ANPEP: variants seen among roughly 807,000 people sequenced by gnomAD.
ANPEP encodes the protein aminopeptidase N.
Under a neutral mutation model 114.6 loss-of-function variants are expected in ANPEP, and 70 were observed. The observed-to-expected ratio is 0.61, with a 90% CI of 0.50 to 0.75. The LOEUF (loss-of-function observed/expected upper bound fraction) is 0.75, where lower values mean the gene tolerates loss of function less well. Ranked by LOEUF, ANPEP falls within the 30% of genes least tolerant of loss-of-function variation. The pLI is 0.00. For synonymous variants in ANPEP, 548 were observed against 522.3 expected (o/e 1.05, Z -0.67); for missense variants, 1,184 against 1,259.5 (o/e 0.94, Z 0.91).
chr15:89,790,377 G>C (rs1968596877), intron 20 of ANPEP, 83 bp downstream of exon 20: 3 of 1,328,994 alleles, frequency 2.3e-6, no homozygotes, highest in Non-Finnish European at 3.2e-6. Context: ...TGCTCCCTCA[G>C]GGCCACGTGG....
intron 1 of ANPEP, among the ~76,000 whole-genome samples, chr15:89,814,454 C>T (rs539639033): frequency 6.6e-6 from 1 of 152,136 alleles, no homozygotes; most frequent in Non-Finnish European, 1.5e-5. Flanking sequence ...CTCCGCCGCC[C>T]TCCCCGTCCG....
At chr15:89,796,008 T>C (rs1338476767) in intron 15 of ANPEP, among the ~76,000 whole-genome samples, 1 of 152,142 alleles carries the variant, frequency 6.6e-6, no homozygotes, top group Non-Finnish European at 1.5e-5. Context: ...TGAAGCCAGG[T>C]GTTCCAGACC....
intron 1 of ANPEP, among the ~76,000 whole-genome samples, chr15:89,809,140 G>A (rs1176646700): frequency 6.6e-6 from 1 of 152,230 alleles, no homozygotes; most frequent in Non-Finnish European, 1.5e-5. Context: ...AGGAGCAGTG[G>A]CTCCCAGCAC....
At chr15:89,800,832 C>T (rs1047086766) in intron 12 of ANPEP, among the ~76,000 whole-genome samples, 1 of 152,148 alleles carries the variant, frequency 6.6e-6, no homozygotes, top group Non-Finnish European at 1.5e-5. Flanking sequence ...GGATTACAGG[C>T]ATGAGCCACC....
intron 2 of ANPEP, 23 bp from the exon 3 acceptor site, chr15:89,805,486 G>A (rs1243937733): frequency 1.2e-6 from 2 of 1,613,102 alleles, no homozygotes; most frequent in South Asian, 1.1e-5. Context: ...GAAGGTTAGA[G>A]GGTGTGCCAG....
chr15:89,791,599 A>ATTTTTTTTTTTTTTTTTTTTTTT (rs10596905), intron 18 of ANPEP, among the ~76,000 whole-genome samples: 1 of 135,280 alleles, frequency 7.4e-6, no homozygotes, highest in Non-Finnish European at 1.6e-5. Context: ...CACCATGCCT[A>ATTTTTTTTTTTTTTTTTTTTTTT]TTTTTTTTTT....
chr15:89,803,506 C>A lies in ANPEP; in HGVS notation c.1439G>T (p.Gly480Val). 6.2e-7 allele frequency: 1 copy of A among 1,607,418 alleles called. No homozygotes were observed. The highest frequency in any genetic ancestry group is 8.5e-7 in the Non-Finnish European group (1 of 1,178,514). The change falls in exon 9 of 21, where the codon GGC becomes GTC. Residue 480 changes from glycine (G) to valine (V), a missense_variant and splice_region_variant. By Grantham distance (109) the Gly-to-Val change is moderately radical (BLOSUM62 -3). Coordinates refer to ENST00000300060, the MANE Select transcript of ANPEP (RefSeq NM_001150.3). This position sits in a 1 kb window ranked among gnomAD's most constrained non-coding sequence, Gnocchi z 4.2. ...ELFDAISYSK[G>V]ASVLRMLSSF... is the part of the protein sequence containing the mutation. Reference sequence around the variant, plus strand: ...GGAGAGCATCCTGAGGACTGAGGCGCCCTGGGGTGGGGGTGAGGGGGCGCT... The same window carrying A: ...GGAGAGCATCCTGAGGACTGAGGCGACCTGGGGTGGGGGTGAGGGGGCGCT...
chr15:89,801,456 A>C lies in ANPEP; in HGVS notation c.1721T>G (p.Val574Gly). ...TCACTTGAATTCTGAGGGGCGGGTA[A>C]CATTGGAATCGGGGTCAAGGAGGAA... is the stretch of plus-strand genomic sequence containing the variant. Reference protein sequence around the residue: ...EHFLLDPDSNVTRPSEFNYVW... With the variant: ...EHFLLDPDSNGTRPSEFNYVW... The change falls in exon 11 of 21, where the codon GTT (valine) becomes GGT (glycine). Residue 574 changes from valine to glycine, a missense_variant. Transcript: ENST00000300060. 1 of 1,614,164 alleles carries C rather than the reference A, an allele frequency of 6.2e-7. No individual in the cohort carries two copies. Among genetic ancestry groups the C allele is most frequent in the East Asian group, 2.2e-5 (1 of 44,884 alleles).
intron 16 of ANPEP, among the ~76,000 whole-genome samples, chr15:89,792,766 G>A (rs1968657510): frequency 6.6e-6 from 1 of 151,498 alleles, no homozygotes; most frequent in Admixed American, 6.6e-5. Flanking sequence ...GCAGGAACAG[G>A]CTCCAGCCCC....
rs749581855 is a variant in ANPEP, at chr15:89,805,095, C to T, written c.880G>A (p.Ala294Thr). ...CCTCATACCAAGACACCATTGGATG[C>T]CTGCTTCTCCACGTAGTCGAACTCA... ...VSEFDYVEKQ[A>T]SNGVLIRIWA... The change falls in exon 4 of 21, where the codon GCA becomes ACA. Residue 294 changes from alanine (A) to threonine (T), a missense_variant. Physicochemically the swap from Ala to Thr is moderately conservative, Grantham distance 58. Coordinates refer to ENST00000300060, the MANE Select transcript of ANPEP (RefSeq NM_001150.3). 1.2e-6 allele frequency: 2 copies of T among 1,614,108 alleles called. No individual in the cohort carries two copies. Among genetic ancestry groups the T allele is most frequent in the African/African-American group, 1.3e-5 (1 of 74,942 alleles).
chr15:89,811,526 A>G (rs965720670), intron 1 of ANPEP, among the ~76,000 whole-genome samples: 24 of 151,684 alleles, frequency 1.6e-4, no homozygotes, highest in South Asian at 6.2e-4. Flanking sequence ...GGCGCCTGTA[A>G]TCCCAACTAC....
chr15:89,797,562 T>C lies in ANPEP; in HGVS notation c.2157+13A>G, dbSNP rs1262516851. 2 of 1,607,094 alleles carry C rather than the reference T, an allele frequency of 1.2e-6. No individual in the cohort carries two copies. The highest frequency in any genetic ancestry group is 1.7e-6 in the Non-Finnish European group (2 of 1,175,996). ...GCGAACTGGTTCTTGAACCCTACCA[T>C]GCACCTCCGTACCTTCATGGGGCCA... On this transcript the variant is annotated intron_variant, in intron 15 of 20. Transcript: ENST00000300060.
intron 1 of ANPEP, among the ~76,000 whole-genome samples, chr15:89,807,598 A>G (rs1894741157): frequency 6.6e-6 from 1 of 152,142 alleles, no homozygotes. Context: ...GCTACTTGGG[A>G]GGCTGAGGCA....
At chr15:89,788,517 T>C (rs1444408969) in intron 20 of ANPEP, among the ~76,000 whole-genome samples, 1 of 152,198 alleles carries the variant, frequency 6.6e-6, no homozygotes, top group African/African-American at 2.4e-5. Flanking sequence ...CAAGGTTTTT[T>C]TTTGGCGTAA....
chr15:89,805,049 G>C (rs148857468), intron 4 of ANPEP, 29 bp downstream of exon 4: 1 of 1,613,598 alleles, frequency 6.2e-7, no homozygotes, highest in Non-Finnish European at 8.5e-7. Flanking sequence ...GCCAGCCCAC[G>C]TGAAGGAGAG....
At position 89,806,118 on chromosome 15, in the gene ANPEP, C is replaced by G; in HGVS notation, c.466G>C (p.Val156Leu). Residue 156 changes from valine to leucine, a missense_variant, in exon 2 of 21, where the codon GTG becomes CTG. Transcript: ENST00000300060. The surrounding 1 kb of genome is among the most constrained non-coding windows in gnomAD (Gnocchi z 5.7). The stretch of plus-strand genomic sequence containing the variant: ...ACCACCAGGTACTCGGTGGGCTCCA[C>G]CAGCTCAGTCTTGTCAATGTCGGGG... ...QPPDIDKTEL[V>L]EPTEYLVVHL... 1 of 1,614,104 alleles carries G rather than the reference C, an allele frequency of 6.2e-7. No homozygotes were observed. The highest frequency in any genetic ancestry group is 8.5e-7 in the Non-Finnish European group (1 of 1,180,000).
intron 2 of ANPEP, 44 bp from the exon 3 acceptor site, chr15:89,805,507 G>A (rs773053091): frequency 1.9e-6 from 3 of 1,609,638 alleles, no homozygotes; most frequent in Admixed American, 3.4e-5. Flanking sequence ...AGCTGGGGGT[G>A]TGGGAGGGGC....
At position 89,791,597 on chromosome 15, in the gene ANPEP, CTA is replaced by C. The variant is rs1481426998; in HGVS notation, c.2529-506_2529-505del. Among the ~76,000 whole-genome samples the C allele has an allele frequency of 2.1e-4, 26 of 121,130 alleles. 2 individuals are homozygous for C. The highest frequency in any genetic ancestry group is 2.2e-4 in the Non-Finnish European group (13 of 58,150). 79.5% of individuals were successfully genotyped at this position (121,130 alleles called of 152,430 possible). A position where few individuals can be genotyped will look rare whatever the true frequency, so the allele number is the denominator to read the frequency against. ...GGATTACAGGCATGTGCCACCATGC[CTA>C]TTTTTTTTTTTTTTTTGTATTTTTA... On this transcript the variant is annotated intron_variant, in intron 18 of 20. Coordinates refer to ENST00000300060, the MANE Select transcript of ANPEP (RefSeq NM_001150.3).
At chr15:89,791,193 A>C in intron 18 of ANPEP, 100 bp from the exon 19 acceptor site, 2 of 1,377,164 alleles carry the variant, frequency 1.5e-6, no homozygotes, top group Non-Finnish European at 2.0e-6. Context: ...CATCCTCTCA[A>C]CATCCCCTCG....
Sources: gnomAD v4.1 joint callset for allele counts (sites outside exome capture counted in the v4.1 genomes callset) on GRCh38, gnomAD v4.1.1 for gene constraint, Gnocchi (gnomAD v3.1) non-coding constraint, MANE v1.5 for transcripts, NCBI Gene and HGNC (gene_info 2026-07-23, HGNC 2026-07-21) for gene names.